TEPSIN: variants seen among roughly 807,000 people sequenced by gnomAD.
TEPSIN encodes the protein AP-4 complex accessory subunit tepsin.
Under a neutral mutation model 48.5 loss-of-function variants are expected in TEPSIN, and 50 were observed. The ratio of observed to expected loss-of-function variants is 1.03; its 90% CI spans 0.82 to 1.31. The LOEUF is 1.31. TEPSIN is among the 50% of genes most tolerant of loss of function. The pLI is 0.00. For missense variants in TEPSIN, 838 were observed against 815.9 expected, an observed-to-expected ratio of 1.03 and a Z score of -0.33; for synonymous variants, 392 against 358.8, an observed-to-expected ratio of 1.09 and a Z score of -1.05.
Position 81,233,496 on chromosome 17 carries a change from G to T in TEPSIN, c.462C>A (p.Gly154=). The change falls in exon 7 of 13, where the codon GGC becomes GGA. Residue 154 remains glycine, a synonymous_variant. Coordinates refer to ENST00000637944, the MANE Select transcript of TEPSIN (RefSeq NM_001363764.2). This position sits in a 1 kb window ranked among gnomAD's most constrained non-coding sequence, Gnocchi z 5.8. The stretch of plus-strand genomic sequence containing the variant: ...GGGTGCTGTGCGGCCTGGCCTGGGA[G>T]CCCATGCCTGCAGAGGGTCCTCCGT... ...PLGTPPATGM[G]SQARPHSTLQ... is the part of the protein sequence containing the mutation. The T allele has an allele frequency of 6.2e-7, 1 of 1,600,700 alleles. No individual in the cohort carries two copies. Among genetic ancestry groups the T allele is most frequent in the Non-Finnish European group, 8.5e-7 (1 of 1,173,160 alleles).
rs2062561757 is a variant in TEPSIN, at chr17:81,230,224, A to C, written c.1233+320T>G. The C allele has an allele frequency of 2.7e-6, 1 of 363,710 alleles. No homozygotes were observed. Among genetic ancestry groups the C allele is most frequent in the Admixed American group, 4.4e-5 (1 of 22,628 alleles). The allele number at this position is 363,710 out of a possible 1,614,324, so 22.5% of individuals were successfully genotyped here. A position where few individuals can be genotyped will look rare whatever the true frequency, so the allele number is the denominator to read the frequency against. On this transcript the variant is annotated intron_variant, in intron 12 of 12. Coordinates refer to ENST00000637944, the MANE Select transcript of TEPSIN (RefSeq NM_001363764.2). This position sits in a 1 kb window ranked among gnomAD's most constrained non-coding sequence, Gnocchi z 4.2. ...TGGCAAACTGCATGTGCAGTCAGGG[A>C]GGGCTTCCTGGAAGAGGTAAGTGTG...
rs946401514 is a variant in TEPSIN, at chr17:81,233,585, A to G, written c.454+53T>C. On this transcript the variant is annotated intron_variant, in intron 6 of 12. Transcript: ENST00000637944. This position sits in a 1 kb window ranked among gnomAD's most constrained non-coding sequence, Gnocchi z 5.8. ...GATGGCACAGACACCCAGGACACTC[A>G]AGGAGGCAGAAACCAGGTGCCAGAG... 1 of 1,570,236 alleles carries G rather than the reference A, an allele frequency of 6.4e-7. No homozygotes were observed. Among genetic ancestry groups the G allele is most frequent in the South Asian group, 1.2e-5 (1 of 84,886 alleles).
chr17:81,229,504 G>T, intron 12 of TEPSIN, 28 bp from the exon 13 acceptor site: 1 of 1,548,220 alleles, frequency 6.5e-7, no homozygotes, highest in Non-Finnish European at 8.7e-7. Context: ...AACCAGGGAG[G>T]TTCCTATGCA....
intron 11 of TEPSIN, chr17:81,231,092 G>A (rs2062591138): frequency 1.9e-6 from 1 of 519,132 alleles, no homozygotes; most frequent in Non-Finnish European, 3.4e-6. Context: ...CACACACACA[G>A]GCACATACAT....
intron 11 of TEPSIN, 59 bp downstream of exon 11, chr17:81,231,329 GCACACGCACA>G (rs200820809): frequency 0.021 from 29,771 of 1,404,360 alleles, 1,056 homozygotes; most frequent in African/African-American, 0.17. Flanking sequence ...GCACACACAC[GCACACGCACA>G]CACACGCACA....
At position 81,234,673 on chromosome 17, in the gene TEPSIN, T is replaced by C. The variant is rs1380641694; in HGVS notation, c.308-625A>G. On this transcript the variant is annotated intron_variant, in intron 4 of 12. Coordinates refer to ENST00000637944, the MANE Select transcript of TEPSIN (RefSeq NM_001363764.2). The surrounding 1 kb of genome is among the most constrained non-coding windows in gnomAD (Gnocchi z 5.4). Reference sequence around the variant, plus strand: ...GCCCCTCGGCCGTCTACCTCCACCCTGGCAGGCTGGTCCCGTGATTCGGAG... The same window carrying C: ...GCCCCTCGGCCGTCTACCTCCACCCCGGCAGGCTGGTCCCGTGATTCGGAG... 6.6e-6 allele frequency among the ~76,000 whole-genome samples: 1 copy of C among 151,856 alleles called. No individual in the cohort carries two copies. Among genetic ancestry groups the C allele is most frequent in the East Asian group, 1.9e-4 (1 of 5,178 alleles).
At chr17:81,231,323 ACACACG>A (rs922882447) in intron 11 of TEPSIN, 69 bp downstream of exon 11, 201 of 1,382,446 alleles carry the variant, frequency 1.5e-4, no homozygotes, top group Admixed American at 3.2e-4. Context: ...ACACGTGCAC[ACACACG>A]CACACGCACA....
At chr17:81,238,186 C>A in intron 1 of TEPSIN, 1 of 985,684 alleles carries the variant, frequency 1.0e-6, no homozygotes, top group Non-Finnish European at 1.2e-6. Context: ...AAAACGTGGA[C>A]CTGAAGTGTT....
rs1598343923 is a variant in TEPSIN, at chr17:81,228,793, C to G, written c.*135G>C. 2.1e-5 allele frequency: 22 copies of G among 1,069,344 alleles called. No homozygotes were observed. The East Asian group carries it at 5.5e-4, about 27-fold the overall frequency. 66.2% of individuals were successfully genotyped at this position (1,069,344 alleles called of 1,614,324 possible). ...CCTCTGGCAGAGGAGATGGGGGAAA[C>G]TGAGGTAGCCCTAGGGTCGTCCTCT... On this transcript the variant is annotated 3_prime_UTR_variant, in exon 13 of 13. Transcript: ENST00000637944.
intron 11 of TEPSIN, 82 bp downstream of exon 11, chr17:81,231,300 TGTGCACACAGGCACAC>T (rs1414691328): frequency 1.6e-6 from 2 of 1,241,894 alleles, no homozygotes; most frequent in African/African-American, 1.7e-5. Flanking sequence ...CACACACAGG[TGTGCACACAGGCACAC>T]GTGCACACAC....
chr17:81,237,098 G>A, intron 2 of TEPSIN, 27 bp from the exon 3 acceptor site: 1 of 1,560,224 alleles, frequency 6.4e-7, no homozygotes, highest in Non-Finnish European at 8.7e-7. Flanking sequence ...TTAGGGAAGG[G>A]CGAGATGATG....
chr17:81,233,401 G>T lies in TEPSIN; in HGVS notation c.526+31C>A. ...CCTCCTCATCCCCACACCCTGAGATGCCAGAGCCCATGCAGGCCCTCCCCA... is the reference window on the plus strand; with the variant it reads ...CCTCCTCATCCCCACACCCTGAGATTCCAGAGCCCATGCAGGCCCTCCCCA... On this transcript the variant is annotated intron_variant, in intron 7 of 12. Coordinates refer to ENST00000637944, the MANE Select transcript of TEPSIN (RefSeq NM_001363764.2). The surrounding 1 kb of genome is among the most constrained non-coding windows in gnomAD (Gnocchi z 5.8). 3 of 1,606,514 alleles carry T rather than the reference G, an allele frequency of 1.9e-6. No individual in the cohort carries two copies. Among genetic ancestry groups the T allele is most frequent in the Non-Finnish European group, 2.5e-6 (3 of 1,178,170 alleles).
Position 81,232,421 on chromosome 17 carries a change from C to G in TEPSIN, c.624G>C (p.Arg208Ser), listed in dbSNP as rs1165599018. ...RPGPESPSTR[R>S]LLPRGDTYQP... Reference sequence around the variant, plus strand: ...GGTAGGTGTCACCCCGCGGCAGGAGCCTCCGGGTACTGGGACTCTCGGGCC... The same window carrying G: ...GGTAGGTGTCACCCCGCGGCAGGAGGCTCCGGGTACTGGGACTCTCGGGCC... Residue 208 changes from arginine to serine, a missense_variant, in exon 8 of 13, where the codon AGG (arginine) becomes AGC (serine). Coordinates refer to ENST00000637944, the MANE Select transcript of TEPSIN (RefSeq NM_001363764.2). 2 of 1,535,822 alleles carry G rather than the reference C, an allele frequency of 1.3e-6. No individual in the cohort carries two copies. The highest frequency in any genetic ancestry group is 2.0e-5 in the Admixed American group (1 of 50,988).
Position 81,233,881 on chromosome 17 carries a change from A to C in TEPSIN, c.375+100T>G, listed in dbSNP as rs887135365. ...CAAGGAGCAGAGGCAGGGGTCCCGG[A>C]TGGGAGAACTGCAAACCCCCCAGCT... is the stretch of plus-strand genomic sequence containing the variant. On this transcript the variant is annotated intron_variant, in intron 5 of 12. Coordinates refer to ENST00000637944, the MANE Select transcript of TEPSIN (RefSeq NM_001363764.2). The surrounding 1 kb of genome is among the most constrained non-coding windows in gnomAD (Gnocchi z 5.8). 4.0e-5 allele frequency: 57 copies of C among 1,412,078 alleles called. No individual in the cohort carries two copies. Among genetic ancestry groups the C allele is most frequent in the Middle Eastern group, 4.9e-4 (2 of 4,054 alleles). 87.5% of individuals were successfully genotyped at this position (1,412,078 alleles called of 1,614,324 possible).
chr17:81,238,022 T>C (rs1035005847), intron 1 of TEPSIN: 1 of 994,478 alleles, frequency 1.0e-6, no homozygotes, highest in South Asian at 4.4e-5. Context: ...ATGTACGGTT[T>C]ATAGGGATGA....
At chr17:81,237,207 G>T in intron 2 of TEPSIN, 136 bp from the exon 3 acceptor site, 1 of 1,163,130 alleles carries the variant, frequency 8.6e-7, no homozygotes, top group Non-Finnish European at 1.2e-6. Context: ...GAGCACCTGG[G>T]CTTCTAGGGT....
At chr17:81,238,748 C>A in intron 1 of TEPSIN, 1 of 1,286,208 alleles carries the variant, frequency 7.8e-7, no homozygotes, top group Admixed American at 4.2e-5. Flanking sequence ...CCCCCAGGGT[C>A]TGGCTGTGCC....
chr17:81,236,914 T>C (rs2062732693), intron 3 of TEPSIN, 66 bp downstream of exon 3: 62 of 1,534,294 alleles, frequency 4.0e-5, no homozygotes, highest in Non-Finnish European at 5.5e-5. Context: ...GCCGCTCGTC[T>C]GCTCCTCCAT....
In TEPSIN at chr17:81,233,550, C is replaced by T; in HGVS notation, c.455-47G>A. 4 of 1,565,466 alleles carry T rather than the reference C, an allele frequency of 2.6e-6. No individual in the cohort carries two copies. Among genetic ancestry groups the T allele is most frequent in the Admixed American group, 1.8e-5 (1 of 54,988 alleles). ...CAGCAAGCCGGCCCCCACCCTCGGC[C>T]CTGCCCACGGATGGCACAGACACCC... On this transcript the variant is annotated intron_variant, in intron 6 of 12. Coordinates refer to ENST00000637944, the MANE Select transcript of TEPSIN (RefSeq NM_001363764.2). The surrounding 1 kb of genome is among the most constrained non-coding windows in gnomAD (Gnocchi z 5.8).
Sources: allele counts gnomAD v4.1 joint callset (sites outside exome capture counted in the v4.1 genomes callset), GRCh38; gene constraint gnomAD v4.1.1; non-coding constraint Gnocchi (gnomAD v3.1); transcripts MANE v1.5; gene names NCBI Gene and HGNC (gene_info 2026-07-23, HGNC 2026-07-21).